The following KIF6 variants were observed in gnomAD, a reference collection of about 807,000 sequenced individuals.
The protein encoded by KIF6 is kinesin family member 6, also known as kinesin-like protein KIF6.
In KIF6, 106 loss-of-function variants were observed where a neutral mutation model predicts 112.7. The ratio of observed to expected loss-of-function variants is 0.94; its 90% CI spans 0.80 to 1.11. The LOEUF is 1.11. KIF6 is among the 50% of genes least tolerant of loss of function. KIF6 has a pLI of 0.00. For synonymous variants in KIF6, 339 were observed against 339.9 expected (o/e 1.00, Z 0.03); for missense variants, 929 against 964.0 (o/e 0.96, Z 0.48).
At chr6:39,415,185 T>G (rs1010891224) in intron 15 of KIF6, among the ~76,000 whole-genome samples, 18 of 150,642 alleles carry the variant, frequency 1.2e-4, no homozygotes, top group African/African-American at 4.4e-4. Context: ...AAACTCTGTC[T>G]CAAAACAAAC....
At chr6:39,592,179 G>A (rs893941460) in intron 7 of KIF6, among the ~76,000 whole-genome samples, 5 of 152,192 alleles carry the variant, frequency 3.3e-5, no homozygotes, top group Admixed American at 1.3e-4. Flanking sequence ...TAGATTGCAT[G>A]TACAAATACA....
At chr6:39,572,939 A>C (rs1780725270) in intron 10 of KIF6, among the ~76,000 whole-genome samples, 1 of 150,680 alleles carries the variant, frequency 6.6e-6, no homozygotes, top group Non-Finnish European at 1.5e-5. Context: ...AAATGCTGGG[A>C]AATGGCTCAA....
chr6:39,450,181 G>C (rs949466139), intron 13 of KIF6, among the ~76,000 whole-genome samples: 1 of 152,176 alleles, frequency 6.6e-6, no homozygotes, highest in Non-Finnish European at 1.5e-5. Context: ...AATCTTTGGA[G>C]ACATCTATCA....
rs1020944463 is a variant in KIF6 at position 39,343,617 on chromosome 6, A to G, written c.2428+92T>C. ...CCTGTGGCTTCAGGAATATGCAGGAAACTCCCTACTCCCCTCCCACCTCAC... is the reference window on the plus strand; with the variant it reads ...CCTGTGGCTTCAGGAATATGCAGGAGACTCCCTACTCCCCTCCCACCTCAC... On this transcript the variant is annotated intron_variant, in intron 22 of 22. Transcript: ENST00000287152. The surrounding 1 kb of genome is among the most constrained non-coding windows in gnomAD (Gnocchi z 4.1). 11 of 1,174,292 alleles carry G rather than the reference A, an allele frequency of 9.4e-6. No homozygotes were observed. The African/African-American group carries it at 1.4e-4, about 15-fold the overall frequency. The allele number at this position is 1,174,292 out of a possible 1,614,324, so 72.7% of individuals were successfully genotyped here.
chr6:39,715,532 C>T (rs1161984494), intron 2 of KIF6, among the ~76,000 whole-genome samples: 1 of 138,014 alleles, frequency 7.2e-6, no homozygotes, highest in African/African-American at 2.7e-5. Context: ...GAGACAGAGT[C>T]TCACTCTGTC....
At position 39,613,203 on chromosome 6, in the gene KIF6, G is replaced by C; in HGVS notation, c.625C>G (p.Arg209Gly). 1.3e-6 allele frequency: 2 copies of C among 1,593,234 alleles called. No individual in the cohort carries two copies. The highest frequency in any genetic ancestry group is 2.3e-5 in the South Asian group (2 of 87,400). ...LNLLFLGDTNRMIAETPMNQA... is the reference protein window; with the variant it reads ...LNLLFLGDTNGMIAETPMNQA... ...AAGTTTATTACCTCTGCAATCATTC[G>C]GTTGGTGTCTCCTAAAAAAAGCAAA... is the stretch of plus-strand genomic sequence containing the variant. The change falls in exon 6 of 23, where the codon CGA becomes GGA. Residue 209 changes from arginine to glycine, a missense_variant. Arg to Gly is a moderately radical substitution (Grantham distance 125, BLOSUM62 -2). Transcript: ENST00000287152.
intron 13 of KIF6, among the ~76,000 whole-genome samples, chr6:39,466,486 C>T (rs567109314): frequency 9.2e-5 from 14 of 152,308 alleles, no homozygotes; most frequent in East Asian, 5.8e-4. Flanking sequence ...TCTAAAGGCA[C>T]GCAGCAAATG....
Position 39,596,200 on chromosome 6 carries a change from T to G in KIF6, c.700A>C (p.Lys234Gln). The G allele has an allele frequency of 1.2e-6, 2 of 1,614,124 alleles. No homozygotes were observed. Among genetic ancestry groups the G allele is most frequent in the Non-Finnish European group, 1.7e-6 (2 of 1,179,990 alleles). Residue 234 changes from lysine (K) to glutamine (Q), a missense_variant, in exon 7 of 23, where the codon AAG becomes CAG. By Grantham distance (53) the Lys-to-Gln change is moderately conservative (BLOSUM62 1). This residue lies in a region of KIF6 where 688 missense variants were observed against 662.7 expected (regional missense o/e 1.04). Coordinates refer to ENST00000287152, the MANE Select transcript of KIF6 (RefSeq NM_145027.6). The part of the protein sequence containing the change: ...HCIFTIHLSS[K>Q]EPGSATVRHA... ...CGTACAGTTGCAGATCCTGGTTCCT[T>G]GCTTGACAAATGAATGGTGAAAATG...
chr6:39,583,774 T>C (rs937412148), intron 9 of KIF6, among the ~76,000 whole-genome samples: 2 of 148,766 alleles, frequency 1.3e-5, no homozygotes, highest in Admixed American at 6.8e-5. Flanking sequence ...ACTGAGTGAT[T>C]TGAAAAATGA....
At position 39,545,804 on chromosome 6, in the gene KIF6, G is replaced by A. The variant is rs1779041491; in HGVS notation, c.1182-116C>T. 5.0e-6 allele frequency: 3 copies of A among 597,492 alleles called. No individual in the cohort carries two copies. The South Asian group carries it at 7.0e-5, about 14-fold the overall frequency. 37.0% of individuals were successfully genotyped at this position (597,492 alleles called of 1,614,324 possible). ...AGAATATTGTTCCCACCTCTTTACA[G>A]AAGTACAGATTTGAGTATAAAAATT... On this transcript the variant is annotated intron_variant, in intron 10 of 22. Coordinates refer to ENST00000287152, the MANE Select transcript of KIF6 (RefSeq NM_145027.6).
chr6:39,589,876 T>C (rs974654798), intron 7 of KIF6, among the ~76,000 whole-genome samples: 3 of 152,214 alleles, frequency 2.0e-5, no homozygotes, highest in African/African-American at 7.2e-5. Context: ...TAATAAACCA[T>C]GCTTCTTAAA....
intron 6 of KIF6, among the ~76,000 whole-genome samples, chr6:39,604,134 C>T (rs1782739780): frequency 1.3e-5 from 2 of 152,086 alleles, no homozygotes; most frequent in African/African-American, 4.8e-5. Context: ...TTGATCTGTT[C>T]CTCTGCTCAC....
chr6:39,343,794 C>A lies in KIF6; in HGVS notation c.2343G>T (p.Ser781=). The A allele has an allele frequency of 6.2e-7, 1 of 1,610,126 alleles. No homozygotes were observed. The highest frequency in any genetic ancestry group is 1.1e-5 in the South Asian group (1 of 90,426). Residue 781 remains serine (S), a synonymous_variant, in exon 22 of 23, where the codon TCG becomes TCT. Transcript: ENST00000287152. This position sits in a 1 kb window ranked among gnomAD's most constrained non-coding sequence, Gnocchi z 4.1. ...LEDSIPKRPV[S]SIPLTGDSQT... ...GGCTGTCTCCGGTGAGAGGGATGGA[C>A]GACACTGGCCTCTTGGGGATGCTGG... is the stretch of plus-strand genomic sequence containing the variant.
intron 22 of KIF6, among the ~76,000 whole-genome samples, chr6:39,339,533 T>C (rs1763207867): frequency 6.6e-6 from 1 of 151,574 alleles, no homozygotes; most frequent in Admixed American, 6.6e-5. Flanking sequence ...CTAACACCTC[T>C]TGGAGAAGAC....
intron 5 of KIF6, among the ~76,000 whole-genome samples, chr6:39,634,531 A>G (rs2150757687): frequency 6.6e-6 from 1 of 152,128 alleles, no homozygotes; most frequent in East Asian, 1.9e-4. Context: ...ACAGGGTTTC[A>G]TGTGGCAGGA....
At chr6:39,575,349 C>A (rs528674327) in intron 10 of KIF6, among the ~76,000 whole-genome samples, 21 of 151,878 alleles carry the variant, frequency 1.4e-4, no homozygotes, top group African/African-American at 2.2e-4. Context: ...CGGCTCATTG[C>A]AAGCTCTGCC....
At chr6:39,487,751 C>T (rs1775205535) in intron 13 of KIF6, among the ~76,000 whole-genome samples, 1 of 152,158 alleles carries the variant, frequency 6.6e-6, no homozygotes. Flanking sequence ...AAAAACAGTC[C>T]TATAGATGAC....
rs766052103 is a variant in KIF6 at position 39,634,886 on chromosome 6, C to T, written c.472G>A (p.Asp158Asn). ...AAACTGGAGGCTTCATGTCTTGGAT[C>T]CAAAAGATCATAACCACATTCATTG... ...IYNECGYDLLDPRHEASSLED... is the reference protein window; with the variant it reads ...IYNECGYDLLNPRHEASSLED... Residue 158 changes from aspartate (D) to asparagine (N), a missense_variant, in exon 5 of 23, where the codon GAT (aspartate) becomes AAT (asparagine). This residue lies in a region of KIF6 where 688 missense variants were observed against 662.7 expected (regional missense o/e 1.04). Coordinates refer to ENST00000287152, the MANE Select transcript of KIF6 (RefSeq NM_145027.6). 4.3e-6 allele frequency: 7 copies of T among 1,612,096 alleles called. No individual in the cohort carries two copies. Among genetic ancestry groups the T allele is most frequent in the Non-Finnish European group, 5.9e-6 (7 of 1,178,640 alleles).
In KIF6 at chr6:39,613,236, C is replaced by T. The variant is rs138958639; in HGVS notation, c.592G>A (p.Ala198Thr). The change falls in exon 6 of 23, where the codon GCT (alanine) becomes ACT (threonine). Residue 198 changes from alanine to threonine, a missense_variant. Around this residue, in one of 2 missense-constraint regions of KIF6, gnomAD observed 688 missense variants for 662.7 expected, o/e 1.04. Coordinates refer to ENST00000287152, the MANE Select transcript of KIF6 (RefSeq NM_145027.6). ...TLHQATTEEE[A>T]LNLLFLGDTN... ...TCTCCTAAAAAAAGCAAATTCAGAG[C>T]TTCTTCCTCTGTGGTTGCCTGATGG... 1.1e-5 allele frequency: 18 copies of T among 1,605,016 alleles called. No homozygotes were observed. In the African/African-American group the frequency reaches 2.4e-4, roughly 22 times the overall value.
Sources: allele counts gnomAD v4.1 joint callset (sites outside exome capture counted in the v4.1 genomes callset), GRCh38; gene constraint gnomAD v4.1.1; regional missense constraint gnomAD v4.1.1; non-coding constraint Gnocchi (gnomAD v3.1); transcripts MANE v1.5; gene names NCBI Gene and HGNC (gene_info 2026-07-23, HGNC 2026-07-21).